Variants in CTTNBP2 observed in about 807,000 individuals in gnomAD.
The protein encoded by CTTNBP2 is cortactin-binding protein 2.
Under a neutral mutation model 156.9 loss-of-function variants are expected in CTTNBP2, and 108 were observed. The ratio of observed to expected loss-of-function variants is 0.69; its 90% CI spans 0.59 to 0.81. The LOEUF is 0.81. CTTNBP2 is among the 30% of genes least tolerant of loss of function. The pLI is 0.00. For missense variants in CTTNBP2, 1,924 were observed against 2,035.4 expected, an observed-to-expected ratio of 0.95 and a Z score of 1.05; for synonymous variants, 767 against 751.8, an observed-to-expected ratio of 1.02 and a Z score of -0.33.
At chr7:117,808,075 T>C (rs946009964) in intron 3 of CTTNBP2, among the ~76,000 whole-genome samples, 2 of 152,208 alleles carry the variant, frequency 1.3e-5, no homozygotes, top group Admixed American at 6.5e-5. Flanking sequence ...GTTTTTTCAC[T>C]GGTGAAAAGA....
chr7:117,825,767 G>T (rs1300275106), intron 2 of CTTNBP2, among the ~76,000 whole-genome samples: 1 of 152,146 alleles, frequency 6.6e-6, no homozygotes, highest in Non-Finnish European at 1.5e-5. Context: ...AGAAGAAAAA[G>T]AAATAATGCA....
intron 2 of CTTNBP2, among the ~76,000 whole-genome samples, chr7:117,811,967 T>C (rs1800323642): frequency 6.6e-6 from 1 of 150,914 alleles, no homozygotes; most frequent in Non-Finnish European, 1.5e-5. Flanking sequence ...TAAAAATAAA[T>C]AACAATATTC....
At chr7:117,777,941 C>A (rs1247974222) in intron 7 of CTTNBP2, among the ~76,000 whole-genome samples, 176 bp from the exon 8 acceptor site, 1 of 152,130 alleles carries the variant, frequency 6.6e-6, no homozygotes, top group Non-Finnish European at 1.5e-5. Context: ...TGACTCCTGT[C>A]AGTTAACAAT....
chr7:117,774,681 G>T (rs913862767), intron 8 of CTTNBP2, among the ~76,000 whole-genome samples: 5 of 110,118 alleles, frequency 4.5e-5, no homozygotes, highest in African/African-American at 7.1e-5. Flanking sequence ...CTGCCAAAAA[G>T]GTTGGGGGCC....
At position 117,821,615 on chromosome 7, in the gene CTTNBP2, GTC is replaced by G. The variant is rs1197487099; in HGVS notation, c.190-10628_190-10627del. 5.7e-5 allele frequency among the ~76,000 whole-genome samples: 8 copies of G among 140,756 alleles called. No individual in the cohort carries two copies. In the Admixed American group the frequency reaches 5.9e-4, roughly 10 times the overall value. The allele number at this position is 140,756 out of a possible 152,430, so 92.3% of individuals were successfully genotyped here. A position where few individuals can be genotyped will look rare whatever the true frequency, so the allele number is the denominator to read the frequency against. ...TTTTTTTTTTTTTTTTTGAGACGAA[GTC>G]TCTCTCTGTCGCCCAGGCTGGAGTG... On this transcript the variant is annotated intron_variant, in intron 2 of 22. Transcript: ENST00000160373.
At chr7:117,778,985 T>C (rs1798257634) in intron 7 of CTTNBP2, among the ~76,000 whole-genome samples, 1 of 152,220 alleles carries the variant, frequency 6.6e-6, no homozygotes, top group African/African-American at 2.4e-5. Flanking sequence ...AAATTTGGGC[T>C]AAGTCATCTG....
At chr7:117,810,644 T>C (rs1223132276) in intron 3 of CTTNBP2, 121 bp downstream of exon 3, 3 of 777,308 alleles carry the variant, frequency 3.9e-6, no homozygotes, top group Admixed American at 2.1e-5. Flanking sequence ...CCTCTTGCAC[T>C]TCTAAGTACT....
intron 19 of CTTNBP2, among the ~76,000 whole-genome samples, chr7:117,723,752 C>CT (rs35193550): frequency 0.011 from 1,477 of 133,510 alleles, 29 homozygotes; most frequent in African/African-American, 0.03. Flanking sequence ...ACGGCAGGAT[C>CT]TTTTTTTTTT....
intron 2 of CTTNBP2, among the ~76,000 whole-genome samples, chr7:117,827,536 TACAA>T (rs1483939387): frequency 1.3e-5 from 2 of 152,196 alleles, no homozygotes; most frequent in Non-Finnish European, 2.9e-5. Context: ...TGAGCACGTA[TACAA>T]ACAAACAAGC....
At chr7:117,713,730 C>T (rs1433782349) in intron 22 of CTTNBP2, 1 of 152,198 alleles carries the variant, frequency 6.6e-6, no homozygotes, top group Non-Finnish European at 1.5e-5. Flanking sequence ...CCCAACACAA[C>T]ATGTTCATTA....
intron 14 of CTTNBP2, among the ~76,000 whole-genome samples, chr7:117,742,414 T>C (rs995187531): frequency 2.6e-5 from 4 of 152,064 alleles, no homozygotes; most frequent in African/African-American, 7.2e-5. Context: ...GATCAGCAGA[T>C]TGGGTGGATG....
In CTTNBP2 at chr7:117,777,574, G is replaced by A; in HGVS notation, c.2715C>T (p.Leu905=). The A allele has an allele frequency of 6.2e-7, 1 of 1,613,938 alleles. No homozygotes were observed. The highest frequency in any genetic ancestry group is 8.5e-7 in the Non-Finnish European group (1 of 1,179,936). ...GISKPVVPAD[L]INHANREGWT... is the part of the protein sequence containing the mutation. ...AGCCTTCTCTGTTGGCGTGGTTAATGAGGTCTGCAGGAACAACAGGCTTGG... is the reference window on the plus strand; with the variant it reads ...AGCCTTCTCTGTTGGCGTGGTTAATAAGGTCTGCAGGAACAACAGGCTTGG... Residue 905 remains leucine (L), a synonymous_variant, in exon 8 of 23, where the codon CTC becomes CTT. Coordinates refer to ENST00000160373, the MANE Select transcript of CTTNBP2 (RefSeq NM_033427.3).
At chr7:117,864,131 G>A (rs1228587009) in intron 1 of CTTNBP2, among the ~76,000 whole-genome samples, 2 of 152,102 alleles carry the variant, frequency 1.3e-5, no homozygotes, top group Non-Finnish European at 2.9e-5. Context: ...ATCAGTAGCA[G>A]CAACACATGT....
intron 10 of CTTNBP2, among the ~76,000 whole-genome samples, chr7:117,758,627 C>T (rs1473004747): frequency 6.6e-6 from 1 of 152,142 alleles, no homozygotes; most frequent in Non-Finnish European, 1.5e-5. Context: ...GCACACTCAC[C>T]TGTAATTGCG....
At position 117,873,223 on chromosome 7, in the gene CTTNBP2, C is replaced by A. The variant is rs1270777475; in HGVS notation, c.81+112G>T. On this transcript the variant is annotated intron_variant, in intron 1 of 22. Transcript: ENST00000160373. ...CCCCGATGAAGGGGCACCGGAGAGT[C>A]CCGGGCTTACGGAACGCCCCGGGGG... 5 of 820,150 alleles carry A rather than the reference C, an allele frequency of 6.1e-6. No homozygotes were observed. The East Asian group carries it at 1.4e-4, about 23-fold the overall frequency. 50.8% of individuals were successfully genotyped at this position (820,150 alleles called of 1,614,324 possible).
chr7:117,749,422 A>G (rs558340705), intron 12 of CTTNBP2, among the ~76,000 whole-genome samples: 1 of 152,276 alleles, frequency 6.6e-6, no homozygotes, highest in East Asian at 1.9e-4. Context: ...TGTCCAACAC[A>G]GCAGACAATG....
At chr7:117,715,475 T>TAAAAAAAAAAAAAAAAAAAA (rs398048025) in intron 22 of CTTNBP2, among the ~76,000 whole-genome samples, 4 of 116,380 alleles carry the variant, frequency 3.4e-5, no homozygotes, top group African/African-American at 1.2e-4. Context: ...GCCCTGAAGT[T>TAAAAAAAAAAAAAAAAAAAA]AAAAAAAAAA....
chr7:117,790,281 G>C (rs1798918147), intron 4 of CTTNBP2, among the ~76,000 whole-genome samples: 1 of 152,154 alleles, frequency 6.6e-6, no homozygotes, highest in South Asian at 2.1e-4. Context: ...TTACAATTAT[G>C]TATTTTTGGT....
chr7:117,836,549 C>A (rs535337007), intron 2 of CTTNBP2, among the ~76,000 whole-genome samples: 1 of 151,986 alleles, frequency 6.6e-6, no homozygotes, highest in Non-Finnish European at 1.5e-5. Flanking sequence ...GGCGACAGAG[C>A]GAGACTCTGT....
Sources: allele counts gnomAD v4.1 joint callset (sites outside exome capture counted in the v4.1 genomes callset), GRCh38; gene constraint gnomAD v4.1.1; transcripts MANE v1.5; gene names NCBI Gene and HGNC (gene_info 2026-07-23, HGNC 2026-07-21).